SMIM45: variants seen among roughly 807,000 people sequenced by gnomAD.
SMIM45 encodes long intergenic non-protein coding RNA 634.
At chr22:41,948,269 A>C in the SMIM45 span, among the ~76,000 whole-genome samples, 1 of 152,194 alleles carries the variant, frequency 6.6e-6, no homozygotes, top group Non-Finnish European at 1.5e-5. Flanking sequence ...TGGATGGATT[A>C]CATTCATCCA....
At chr22:41,947,035 G>A in the SMIM45 span, 1 of 1,612,952 alleles carries the variant, frequency 6.2e-7, no homozygotes, top group South Asian at 1.1e-5. Flanking sequence ...TGGTGGCCGT[G>A]TTCAGGCCGG....
At chr22:41,958,377 T>A in the SMIM45 span, 1 of 456,400 alleles carries the variant, frequency 2.2e-6, no homozygotes, top group Non-Finnish European at 4.4e-6. Context: ...GATGTCAGCT[T>A]GGGCCAGACC....
At chr22:41,958,517 G>A in the SMIM45 span, 9 of 364,238 alleles carry the variant, frequency 2.5e-5, no homozygotes, top group African/African-American at 5.6e-5. Flanking sequence ...AGTCTGGGGG[G>A]AGCGGGCAAG....
chr22:41,947,079 C>T, the SMIM45 span: 2 of 1,612,838 alleles, frequency 1.2e-6, no homozygotes, highest in East Asian at 2.2e-5. Flanking sequence ...ACCGACATCA[C>T]AGCCGCAGGA....
the SMIM45 span, among the ~76,000 whole-genome samples, chr22:41,953,757 T>G: frequency 3.7e-5 from 4 of 108,850 alleles, no homozygotes; most frequent in Non-Finnish European, 7.0e-5. Flanking sequence ...TTTTTTTTTT[T>G]TTTTTTTTTT....
At chr22:41,949,745 G>A in the SMIM45 span, among the ~76,000 whole-genome samples, 4 of 152,212 alleles carry the variant, frequency 2.6e-5, no homozygotes, top group Non-Finnish European at 5.9e-5. Context: ...CAGTTGGGGA[G>A]GCCATCGGGG....
the SMIM45 span, among the ~76,000 whole-genome samples, chr22:41,955,444 G>C: frequency 8.4e-4 from 128 of 152,194 alleles, 1 homozygote; most frequent in African/African-American, 3.1e-3. Flanking sequence ...CTCCCAAAGT[G>C]CTGGGATCAT....
chr22:41,955,355 T>G, the SMIM45 span, among the ~76,000 whole-genome samples: 1 of 152,006 alleles, frequency 6.6e-6, no homozygotes, highest in Non-Finnish European at 1.5e-5. Context: ...AATTTTGTAC[T>G]TTTAGTAGAG....
chr22:41,946,951 T>G, the SMIM45 span: 61 of 1,514,310 alleles, frequency 4.0e-5, no homozygotes, highest in Non-Finnish European at 5.5e-6. Context: ...GAGAGCTCAG[T>G]TGACCTAGTG....
At chr22:41,950,704 C>A in the SMIM45 span, among the ~76,000 whole-genome samples, 1 of 149,228 alleles carries the variant, frequency 6.7e-6, no homozygotes, top group East Asian at 2.0e-4. Flanking sequence ...TCTTAAAAAA[C>A]AAAGCAAAAG....
the SMIM45 span, among the ~76,000 whole-genome samples, chr22:41,949,612 A>C: frequency 2.6e-5 from 4 of 152,226 alleles, no homozygotes; most frequent in Non-Finnish European, 5.9e-5. Context: ...GGGACTTTCC[A>C]GGAGGGGCCG....
At chr22:41,953,494 C>T in the SMIM45 span, among the ~76,000 whole-genome samples, 1 of 152,292 alleles carries the variant, frequency 6.6e-6, no homozygotes, top group East Asian at 1.9e-4. Flanking sequence ...GTTGGGTAAG[C>T]CAAGGCAAGT....
chr22:41,953,140 G>A, the SMIM45 span, among the ~76,000 whole-genome samples: 1 of 152,170 alleles, frequency 6.6e-6, no homozygotes, highest in Non-Finnish European at 1.5e-5. Context: ...TACAATGTCG[G>A]TGCCTCAGAA....
At chr22:41,950,240 AACT>A in the SMIM45 span, among the ~76,000 whole-genome samples, 10 of 152,236 alleles carry the variant, frequency 6.6e-5, 1 homozygote, top group Admixed American at 6.5e-4. Flanking sequence ...ACGTATAATC[AACT>A]ACACTTATTT....
At chr22:41,954,320 C>T in the SMIM45 span, among the ~76,000 whole-genome samples, 6 of 151,342 alleles carry the variant, frequency 4.0e-5, no homozygotes, top group Non-Finnish European at 8.8e-5. Context: ...GATTTTCCTG[C>T]CTCAGCCTGT....
chr22:41,949,168 C>G, the SMIM45 span, among the ~76,000 whole-genome samples: 185 of 151,728 alleles, frequency 1.2e-3, no homozygotes, highest in African/African-American at 4.2e-3. Flanking sequence ...TCACTTGAAC[C>G]TGGGAGGCGG....
At chr22:41,958,811 C>T in the SMIM45 span, 3 of 171,638 alleles carry the variant, frequency 1.7e-5, no homozygotes, top group African/African-American at 7.1e-5. Flanking sequence ...CTAGAACCCT[C>T]CTCCTGTGTG....
At chr22:41,955,033 G>T in the SMIM45 span, among the ~76,000 whole-genome samples, 1 of 143,906 alleles carries the variant, frequency 6.9e-6, no homozygotes, top group Non-Finnish European at 1.5e-5. Flanking sequence ...AAGAGTCTGG[G>T]TGTATATAAG....
the SMIM45 span, chr22:41,958,385 A>AG: frequency 6.6e-6 from 3 of 456,082 alleles, no homozygotes; most frequent in African/African-American, 6.0e-5. Context: ...CTTGGGCCAG[A>AG]CCAGCCGCAC....
Sources: gnomAD v4.1 joint callset for allele counts (sites outside exome capture counted in the v4.1 genomes callset) on GRCh38, gnomAD v4.1.1 for gene constraint, MANE v1.5 for transcripts, NCBI Gene and HGNC (gene_info 2026-07-23, HGNC 2026-07-21) for gene names.